Variants in SELENOT observed in about 807,000 individuals in gnomAD.
SELENOT encodes the protein selenoprotein T.
A neutral mutation model predicts 24.3 loss-of-function variants in SELENOT; 9 were observed. That is an observed-to-expected ratio of 0.37 (90% CI 0.22 to 0.65). The LOEUF (loss-of-function observed/expected upper bound fraction) is 0.65. Among genes scored for constraint, SELENOT ranks in the 30% least tolerant of loss-of-function variants. The pLI is 0.60. For missense variants in SELENOT, 166 were observed against 247.6 expected, an observed-to-expected ratio of 0.67 and a Z score of 2.21; for synonymous variants, 81 against 86.0, an observed-to-expected ratio of 0.94 and a Z score of 0.32.
intron 1 of SELENOT, among the ~76,000 whole-genome samples, chr3:150,612,179 C>T (rs896351440): frequency 8.5e-5 from 13 of 152,056 alleles, no homozygotes; most frequent in African/African-American, 2.9e-4. Context: ...CCGTAACCTC[C>T]GCCTCCCGGC....
intron 1 of SELENOT, among the ~76,000 whole-genome samples, chr3:150,610,806 C>T (rs932263888): frequency 1.3e-5 from 2 of 152,170 alleles, no homozygotes; most frequent in Non-Finnish European, 2.9e-5. Context: ...ATACATGTGT[C>T]ACTTTTACAT....
At chr3:150,607,871 G>A (rs1726001337) in intron 1 of SELENOT, among the ~76,000 whole-genome samples, 1 of 152,150 alleles carries the variant, frequency 6.6e-6, no homozygotes, top group African/African-American at 2.4e-5. Context: ...AGACCGTTTG[G>A]TTTTCTTGTG....
chr3:150,615,484 A>C (rs1163690459), intron 1 of SELENOT, among the ~76,000 whole-genome samples: 1 of 152,152 alleles, frequency 6.6e-6, no homozygotes, highest in African/African-American at 2.4e-5. Flanking sequence ...TCCCACCAAC[A>C]GTGTAAAAGT....
In SELENOT at chr3:150,623,439, G is replaced by A. The variant is rs553781630; in HGVS notation, c.375+270G>A. Among the ~76,000 whole-genome samples, 13 of 152,078 alleles carry A rather than the reference G, an allele frequency of 8.5e-5. No homozygotes were observed. The South Asian group carries it at 2.7e-3, about 32-fold the overall frequency. Reference sequence around the variant, plus strand: ...GTATAACCTGGGCACAAAATAATTTGTTATCTGATTTTGATTATATTACTT... The same window carrying A: ...GTATAACCTGGGCACAAAATAATTTATTATCTGATTTTGATTATATTACTT... On this transcript the variant is annotated intron_variant, in intron 3 of 5. Transcript: ENST00000471696.
chr3:150,619,868 A>G (rs1056388357), intron 1 of SELENOT, among the ~76,000 whole-genome samples: 5 of 152,242 alleles, frequency 3.3e-5, no homozygotes, highest in Admixed American at 6.5e-5. Flanking sequence ...GCAATTATAT[A>G]GGAAAAAGGG....
Position 150,627,045 on chromosome 3 carries a change from C to A in SELENOT, c.499C>A (p.Leu167Ile), listed in dbSNP as rs748252543. The A allele has an allele frequency of 8.5e-5, 137 of 1,613,240 alleles. No homozygotes were observed. Among genetic ancestry groups the A allele is most frequent in the Non-Finnish European group, 1.1e-4 (132 of 1,179,750 alleles). ...GTGGTCTAAGCTGGAATCTGGTCAC[C>A]TTCCATCCATGCAACAACTTGTTCA... The part of the protein sequence containing the change: ...PVWSKLESGH[L>I]PSMQQLVQIL... Residue 167 changes from leucine to isoleucine, a missense_variant, in exon 5 of 6, where the codon CTT becomes ATT. Leu to Ile is a conservative substitution (Grantham distance 5). Coordinates refer to ENST00000471696, the MANE Select transcript of SELENOT (RefSeq NM_016275.5).
intron 1 of SELENOT, among the ~76,000 whole-genome samples, chr3:150,620,766 GAT>G (rs1726324801): frequency 1.3e-5 from 2 of 152,174 alleles, no homozygotes; most frequent in Admixed American, 1.3e-4. Flanking sequence ...CTTGGGCATT[GAT>G]ATCAGGTGGC....
At chr3:150,607,893 C>G (rs548182270) in intron 1 of SELENOT, among the ~76,000 whole-genome samples, 1 of 152,150 alleles carries the variant, frequency 6.6e-6, no homozygotes, top group East Asian at 1.9e-4. Flanking sequence ...AAAAGACATT[C>G]CAGGAGACAA....
chr3:150,607,505 A>G (rs1725992148), intron 1 of SELENOT, among the ~76,000 whole-genome samples: 1 of 152,230 alleles, frequency 6.6e-6, no homozygotes, highest in Non-Finnish European at 1.5e-5. Context: ...GGAGAATTCA[A>G]TTCAGTGCTC....
intron 1 of SELENOT, among the ~76,000 whole-genome samples, chr3:150,616,126 C>T (rs1268357330): frequency 8.2e-5 from 12 of 147,122 alleles, no homozygotes; most frequent in South Asian, 6.6e-4. Context: ...ATAAATGGTG[C>T]TGGGAAAATT....
intron 2 of SELENOT, 136 bp from the exon 3 acceptor site, chr3:150,622,907 A>G: frequency 1.3e-6 from 1 of 748,588 alleles, no homozygotes. Context: ...ACTGCACAAT[A>G]AACTTTAATT....
At chr3:150,615,271 G>A (rs1390943960) in intron 1 of SELENOT, among the ~76,000 whole-genome samples, 1 of 151,722 alleles carries the variant, frequency 6.6e-6, no homozygotes, top group African/African-American at 2.4e-5. Flanking sequence ...ATCATTGTTG[G>A]ACATTTGGGT....
intron 1 of SELENOT, among the ~76,000 whole-genome samples, chr3:150,609,360 C>T (rs1435642391): frequency 2.6e-5 from 4 of 151,854 alleles, no homozygotes; most frequent in African/African-American, 9.7e-5. Flanking sequence ...TTTTCTTTTT[C>T]TTTTTTTGAG....
chr3:150,615,028 A>T (rs1392064318), intron 1 of SELENOT, among the ~76,000 whole-genome samples: 1 of 90,660 alleles, frequency 1.1e-5, no homozygotes, highest in Non-Finnish European at 2.0e-5. Flanking sequence ...CCCCCACCCC[A>T]CAATGGTCCC....
At chr3:150,603,828 C>T (rs1725899381) in intron 1 of SELENOT, 1 of 212,428 alleles carries the variant, frequency 4.7e-6, no homozygotes, top group Admixed American at 5.9e-5. Flanking sequence ...GCCATAGCCA[C>T]CCCGGCTGCC....
chr3:150,611,838 G>C (rs550163844), intron 1 of SELENOT: 1 of 931,082 alleles, frequency 1.1e-6, no homozygotes, highest in Non-Finnish European at 1.6e-6. Flanking sequence ...CGGCCACTGC[G>C]GCTGCCGCCT....
chr3:150,606,359 G>A (rs908878670), intron 1 of SELENOT, among the ~76,000 whole-genome samples: 2 of 151,362 alleles, frequency 1.3e-5, no homozygotes, highest in African/African-American at 4.9e-5. Context: ...CCCAGGCTGT[G>A]TGTAATACCT....
rs745729174 is a variant in SELENOT, at chr3:150,624,775, G to T, written c.376-37G>T. On this transcript the variant is annotated intron_variant, in intron 3 of 5. Coordinates refer to ENST00000471696, the MANE Select transcript of SELENOT (RefSeq NM_016275.5). The stretch of plus-strand genomic sequence containing the variant: ...ATTAAAAAGAGCATTTACCAAACAT[G>T]ACTTTGCCTGTTGTGCTTAATTATA... 3.1e-6 allele frequency: 4 copies of T among 1,302,288 alleles called. No individual in the cohort carries two copies. The South Asian group carries it at 4.0e-5, about 13-fold the overall frequency. The allele number at this position is 1,302,288 out of a possible 1,614,324, so 80.7% of individuals were successfully genotyped here. A position where few individuals can be genotyped will look rare whatever the true frequency, so the allele number is the denominator to read the frequency against.
In SELENOT at chr3:150,627,220, C is replaced by G. The variant is rs941211809; in HGVS notation, c.*29+57C>G. Reference sequence around the variant, plus strand: ...GTTTCTGTTGATTCTTATGACTCAGCAAGTTAGTAAATATTACATATATTA... The same window carrying G: ...GTTTCTGTTGATTCTTATGACTCAGGAAGTTAGTAAATATTACATATATTA... On this transcript the variant is annotated intron_variant, in intron 5 of 5. Coordinates refer to ENST00000471696, the MANE Select transcript of SELENOT (RefSeq NM_016275.5). The G allele has an allele frequency of 7.0e-6, 9 of 1,291,610 alleles. No individual in the cohort carries two copies. In the African/African-American group the frequency reaches 1.2e-4, roughly 17 times the overall value. The allele number at this position is 1,291,610 out of a possible 1,614,324, so 80.0% of individuals were successfully genotyped here.
Sources: gnomAD v4.1 joint callset for allele counts (sites outside exome capture counted in the v4.1 genomes callset) on GRCh38, gnomAD v4.1.1 for gene constraint, MANE v1.5 for transcripts, NCBI Gene and HGNC (gene_info 2026-07-23, HGNC 2026-07-21) for gene names.